The following SPRED2 variants were observed in gnomAD, a reference collection of about 807,000 sequenced individuals.
The protein encoded by SPRED2 is sprouty-related, EVH1 domain-containing protein 2.
A neutral mutation model predicts 43.0 loss-of-function variants in SPRED2; 47 were observed. That is an observed-to-expected ratio of 1.09 (90% CI 0.87 to 1.40). The LOEUF is 1.40. Ranked by LOEUF, SPRED2 falls within the 40% of genes most tolerant of loss-of-function variation. SPRED2 has a pLI of 0.00. For synonymous variants in SPRED2, 225 were observed against 225.7 expected, an observed-to-expected ratio of 1.00 and a Z score of 0.03; for missense variants, 561 against 586.4, an observed-to-expected ratio of 0.96 and a Z score of 0.45.
intron 1 of SPRED2, chr2:65,373,637 T>C (rs1245046581): frequency 6.6e-6 from 1 of 152,262 alleles, no homozygotes; most frequent in Admixed American, 6.5e-5. Context: ...CACAATCTCT[T>C]CTGTCTTCAT....
rs559466700 is a variant in SPRED2, at chr2:65,315,676, A to T, written c.588+1058T>A. On this transcript the variant is annotated intron_variant, in intron 5 of 5. Coordinates refer to ENST00000356388, the MANE Select transcript of SPRED2 (RefSeq NM_181784.3). Reference sequence around the variant, plus strand: ...TAATGTGATATTTATTTATTTATTTATTTTTTGAGATGGAGTCTTGCTCTG... The same window carrying T: ...TAATGTGATATTTATTTATTTATTTTTTTTTTGAGATGGAGTCTTGCTCTG... Among the ~76,000 whole-genome samples the T allele has an allele frequency of 6.6e-5, 10 of 152,288 alleles. No individual in the cohort carries two copies. In the South Asian group the frequency reaches 2.1e-3, roughly 32 times the overall value.
chr2:65,359,677 C>G (rs1674748608), intron 1 of SPRED2, among the ~76,000 whole-genome samples: 1 of 152,122 alleles, frequency 6.6e-6, no homozygotes. Flanking sequence ...CGCTTGTAAT[C>G]CCAGCACTGT....
chr2:65,351,024 TG>T (rs1001580190), intron 1 of SPRED2, among the ~76,000 whole-genome samples: 1 of 152,162 alleles, frequency 6.6e-6, no homozygotes, highest in Non-Finnish European at 1.5e-5. Flanking sequence ...TCCAGAAGTT[TG>T]GTAAGTTGTA....
chr2:65,371,988 G>A (rs756810300), intron 1 of SPRED2, among the ~76,000 whole-genome samples: 12 of 151,918 alleles, frequency 7.9e-5, no homozygotes, highest in Admixed American at 6.6e-5. Context: ...CAGGAGAATC[G>A]TTTGAGCCCG....
At chr2:65,381,687 G>A (rs1389491985) in intron 1 of SPRED2, among the ~76,000 whole-genome samples, 1 of 152,224 alleles carries the variant, frequency 6.6e-6, no homozygotes, top group Non-Finnish European at 1.5e-5. Context: ...TCGGTGCAGG[G>A]CCGCTCCACT....
At chr2:65,386,240 G>A (rs1192510143) in intron 1 of SPRED2, among the ~76,000 whole-genome samples, 1 of 144,162 alleles carries the variant, frequency 6.9e-6, no homozygotes, top group Non-Finnish European at 1.5e-5. Context: ...AGCCGAGATC[G>A]CGCCATTGCA....
intron 1 of SPRED2, among the ~76,000 whole-genome samples, chr2:65,355,143 T>C (rs1270961045): frequency 6.6e-6 from 1 of 152,210 alleles, no homozygotes; most frequent in Non-Finnish European, 1.5e-5. Flanking sequence ...CCTAATTTTC[T>C]CATCCTGGGG....
downstream of SPRED2, chr2:65,308,315 CT>C (rs1572821482): frequency 1.0e-6 from 1 of 985,476 alleles, no homozygotes; most frequent in East Asian, 1.1e-4. Flanking sequence ...AGGCCACCGA[CT>C]TTTTACCAGT....
At chr2:65,427,358 G>A (rs1283951227) in intron 1 of SPRED2, among the ~76,000 whole-genome samples, 2 of 152,076 alleles carry the variant, frequency 1.3e-5, no homozygotes, top group Non-Finnish European at 2.9e-5. Context: ...GATTTTCTGA[G>A]GAATAAATCA....
chr2:65,397,502 T>A (rs975974391), intron 1 of SPRED2, among the ~76,000 whole-genome samples: 1 of 152,086 alleles, frequency 6.6e-6, no homozygotes, highest in African/African-American at 2.4e-5. Context: ...CACAACTACC[T>A]AAACCAAGAT....
At chr2:65,401,538 G>A (rs1675887889) in intron 1 of SPRED2, among the ~76,000 whole-genome samples, 1 of 151,860 alleles carries the variant, frequency 6.6e-6, no homozygotes, top group South Asian at 2.1e-4. Flanking sequence ...GCTCACGCCT[G>A]TAATCCCAGC....
In SPRED2 at chr2:65,348,330, A is replaced by G. The variant is rs74782830; in HGVS notation, c.27-3434T>C. On this transcript the variant is annotated intron_variant, in intron 1 of 5. Coordinates refer to ENST00000356388, the MANE Select transcript of SPRED2 (RefSeq NM_181784.3). ...CTGCTTTGGCTTTCTATATGCTACT[A>G]AATCAATGCTTGCTCAATAAAATAT... 5.7e-3 allele frequency among the ~76,000 whole-genome samples: 867 copies of G among 152,282 alleles called. 11 individuals carry two copies. The highest frequency in any genetic ancestry group is 0.02 in the African/African-American group (822 of 41,540).
At chr2:65,309,229 T>C (rs1261716674), downstream of SPRED2, among the ~76,000 whole-genome samples, 1 of 150,542 alleles carries the variant, frequency 6.6e-6, no homozygotes, top group African/African-American at 2.4e-5. Context: ...GGGCCAGGCA[T>C]GGTGGTTCAT....
intron 1 of SPRED2, among the ~76,000 whole-genome samples, chr2:65,347,772 G>T (rs543213852): frequency 3.3e-5 from 5 of 152,134 alleles, no homozygotes; most frequent in Admixed American, 2.6e-4. Flanking sequence ...CATCGAATAC[G>T]TATCACAATC....
intron 1 of SPRED2, among the ~76,000 whole-genome samples, chr2:65,372,698 T>G (rs555930063): frequency 1.1e-4 from 17 of 152,290 alleles, no homozygotes; most frequent in African/African-American, 4.1e-4. Flanking sequence ...TTAATGTATT[T>G]AGCAACTGAC....
chr2:65,338,956 T>C (rs1455141788), intron 2 of SPRED2, among the ~76,000 whole-genome samples: 8 of 151,834 alleles, frequency 5.3e-5, no homozygotes, highest in Non-Finnish European at 8.8e-5. Flanking sequence ...CGCCGCCCCG[T>C]CCGGGAGGTG....
intron 1 of SPRED2, among the ~76,000 whole-genome samples, chr2:65,401,363 G>A (rs1675882230): frequency 1.3e-5 from 2 of 152,106 alleles, no homozygotes; most frequent in African/African-American, 4.8e-5. Context: ...GGAACTTGCA[G>A]CTTAGCAAGA....
At chr2:65,364,124 T>C (rs940545345) in intron 1 of SPRED2, among the ~76,000 whole-genome samples, 1 of 152,214 alleles carries the variant, frequency 6.6e-6, no homozygotes, top group East Asian at 1.9e-4. Context: ...GAGTTAGGTT[T>C]TGAAGAACCA....
At chr2:65,309,490 AGT>A (rs1673013727), downstream of SPRED2, among the ~76,000 whole-genome samples, 1 of 128,966 alleles carries the variant, frequency 7.8e-6, no homozygotes. Flanking sequence ...AGGGTGACAG[AGT>A]GAGACCCTGT....
Sources: allele counts gnomAD v4.1 joint callset (sites outside exome capture counted in the v4.1 genomes callset), GRCh38; gene constraint gnomAD v4.1.1; transcripts MANE v1.5; gene names NCBI Gene and HGNC (gene_info 2026-07-23, HGNC 2026-07-21).